The following EDA variants were observed in gnomAD, a reference collection of about 807,000 sequenced individuals.
The protein encoded by EDA is ectodysplasin-A.
In EDA, 2 loss-of-function variants were observed where a neutral mutation model predicts 23.6. The observed-to-expected ratio is 0.08, with a 90% CI of 0.03 to 0.27. The LOEUF (loss-of-function observed/expected upper bound fraction) is 0.27. Ranked by LOEUF, EDA falls within the 10% of genes least tolerant of loss-of-function variation. EDA has a pLI of 1.00. For missense variants in EDA, 229 were observed against 324.2 expected (o/e 0.71, Z 2.26); for synonymous variants, 131 against 132.0 (o/e 0.99, Z 0.05).
chrX:69,745,506 CT>C (rs1426683248), intron 1 of EDA, among the ~76,000 whole-genome samples: 2 of 111,367 alleles, frequency 1.8e-5, no homozygotes, highest in African/African-American at 6.5e-5. Flanking sequence ...TGGCTATGAG[CT>C]TAAAAAATCA....
intron 2 of EDA, among the ~76,000 whole-genome samples, chrX:69,982,750 A>G (rs2019431330): frequency 1.0e-5 from 1 of 96,989 alleles, no homozygotes; most frequent in Admixed American, 1.2e-4. Context: ...TGGGGTGGAG[A>G]GTTCTGTAGA....
Position 69,767,968 on chromosome X carries a change from A to T in EDA, c.396+151264A>T, listed in dbSNP as rs1344090269. Among the ~76,000 whole-genome samples, 11 of 112,125 alleles carry T rather than the reference A, an allele frequency of 9.8e-5. No individual in the cohort carries two copies. In the Admixed American group the frequency reaches 1.0e-3, roughly 11 times the overall value. On this transcript the variant is annotated intron_variant, in intron 1 of 7. Transcript: ENST00000374552. Reference sequence around the variant, plus strand: ...GGCAGATTATATTGAACATCTTTTCATGTGCTTATTTGGCATCTGAATATA... The same window carrying T: ...GGCAGATTATATTGAACATCTTTTCTTGTGCTTATTTGGCATCTGAATATA...
intron 2 of EDA, among the ~76,000 whole-genome samples, chrX:70,009,642 A>G (rs952775808): frequency 1.8e-5 from 2 of 111,573 alleles, no homozygotes; most frequent in African/African-American, 3.3e-5. Flanking sequence ...GCTGGAATGT[A>G]GTGGCTCAGT....
chrX:69,905,562 G>C (rs1427583998), intron 1 of EDA, among the ~76,000 whole-genome samples: 1 of 111,329 alleles, frequency 9.0e-6, no homozygotes, highest in Non-Finnish European at 1.9e-5. Context: ...TGTTATGATT[G>C]TAACTCTAGA....
At chrX:69,652,068 G>A (rs1014142394) in intron 1 of EDA, among the ~76,000 whole-genome samples, 2 of 111,523 alleles carry the variant, frequency 1.8e-5, no homozygotes, top group African/African-American at 6.5e-5. Context: ...GCTTGATAAA[G>A]TTGTAGATTT....
rs767979994 is a variant in EDA, at chrX:69,904,348, TC to T, written c.397-52675del. 6.3e-5 allele frequency among the ~76,000 whole-genome samples: 7 copies of T among 110,617 alleles called. No individual in the cohort carries two copies. In the East Asian group the frequency reaches 2.0e-3, roughly 32 times the overall value. On this transcript the variant is annotated intron_variant, in intron 1 of 7. Coordinates refer to ENST00000374552, the MANE Select transcript of EDA (RefSeq NM_001399.5). ...TTTGTACCCATTAACCATTCCCTCT[TC>T]CCCTCTTTTTTTTTTCTTTGAGACA...
Position 69,868,430 on chromosome X carries a change from A to G in EDA, c.397-88597A>G, listed in dbSNP as rs751934992. Among the ~76,000 whole-genome samples, 7 of 112,146 alleles carry G rather than the reference A, an allele frequency of 6.2e-5. No homozygotes were observed. In the East Asian group the frequency reaches 1.7e-3, roughly 27 times the overall value. On this transcript the variant is annotated intron_variant, in intron 1 of 7. Transcript: ENST00000374552. ...CAACTTATCCTTTGCCTTAGAAGGA[A>G]TATCTTGACAGGCCCCACACCACTG...
intron 1 of EDA, among the ~76,000 whole-genome samples, chrX:69,892,996 A>G (rs2017956598): frequency 9.0e-6 from 1 of 111,607 alleles, no homozygotes; most frequent in African/African-American, 3.3e-5. Flanking sequence ...ATTACTACAA[A>G]TTTAGTGGCT....
intron 1 of EDA, among the ~76,000 whole-genome samples, chrX:69,790,227 T>G (rs1416733178): frequency 9.0e-6 from 1 of 110,578 alleles, no homozygotes; most frequent in East Asian, 2.8e-4. Flanking sequence ...ATATTATTAT[T>G]ATTATACTTT....
chrX:69,965,765 G>T (rs2019163331), intron 2 of EDA, among the ~76,000 whole-genome samples: 1 of 112,554 alleles, frequency 8.9e-6, no homozygotes, highest in East Asian at 2.8e-4. Context: ...TTTAAAAATA[G>T]TCTGGACACG....
chrX:69,872,680 T>C (rs1207269883), intron 1 of EDA, among the ~76,000 whole-genome samples: 4 of 111,669 alleles, frequency 3.6e-5, no homozygotes, highest in Non-Finnish European at 5.6e-5. Flanking sequence ...ATAGAAGGAC[T>C]AGTCCAACAG....
At position 69,853,657 on chromosome X, in the gene EDA, A is replaced by G. The variant is rs531848403; in HGVS notation, c.397-103370A>G. 1.4e-3 allele frequency among the ~76,000 whole-genome samples: 160 copies of G among 112,605 alleles called. 2 individuals are homozygous for G. The South Asian group carries it at 0.057, about 40-fold the overall frequency. On this transcript the variant is annotated intron_variant, in intron 1 of 7. Transcript: ENST00000374552. The stretch of plus-strand genomic sequence containing the variant: ...TAGCCAGGCAAAAAAGATTATACTT[A>G]GAAGAAAGACAACTAAACTCAATAA...
intron 1 of EDA, among the ~76,000 whole-genome samples, chrX:69,634,819 C>T (rs1046289351): frequency 1.8e-5 from 2 of 111,643 alleles, no homozygotes; most frequent in East Asian, 2.8e-4. Context: ...AGGGTGGTCC[C>T]GTAAGATTAT....
At chrX:69,943,205 G>A (rs1402991605) in intron 1 of EDA, among the ~76,000 whole-genome samples, 1 of 111,409 alleles carries the variant, frequency 9.0e-6, no homozygotes, top group African/African-American at 3.3e-5. Flanking sequence ...GCCTTATTTA[G>A]TTCATTTGGT....
chrX:69,825,635 C>T (rs1602451070), intron 1 of EDA, among the ~76,000 whole-genome samples: 1 of 112,797 alleles, frequency 8.9e-6, no homozygotes, highest in African/African-American at 3.2e-5. Context: ...TTTGTTGATC[C>T]TCTCAAAAAC....
intron 1 of EDA, among the ~76,000 whole-genome samples, chrX:69,720,108 C>A (rs774940279): frequency 2.8e-4 from 31 of 111,618 alleles, no homozygotes; most frequent in Non-Finnish European, 1.5e-4. Flanking sequence ...TATATTTTTG[C>A]AATTGTGAAT....
chrX:69,843,751 G>C (rs771846080), intron 1 of EDA, among the ~76,000 whole-genome samples: 21 of 111,365 alleles, frequency 1.9e-4, no homozygotes, highest in Admixed American at 1.6e-3. Flanking sequence ...AGCCGGGTGC[G>C]GTGGCTCACG....
intron 1 of EDA, among the ~76,000 whole-genome samples, chrX:69,895,743 AACTTTCC>A (rs1303751234): frequency 9.0e-6 from 1 of 111,683 alleles, no homozygotes; most frequent in Non-Finnish European, 1.9e-5. Context: ...TATAGGCTAC[AACTTTCC>A]ACTTTCCACT....
At chrX:69,620,851 G>A (rs761719405) in intron 1 of EDA, 4 of 376,524 alleles carry the variant, frequency 1.1e-5, no homozygotes, top group Non-Finnish European at 2.1e-5. Flanking sequence ...TTGGGACTTT[G>A]GAGGTGTTTA....
Sources: allele counts gnomAD v4.1 joint callset (sites outside exome capture counted in the v4.1 genomes callset), GRCh38; gene constraint gnomAD v4.1.1; transcripts MANE v1.5; gene names NCBI Gene and HGNC (gene_info 2026-07-23, HGNC 2026-07-21).